FBXL13: variants seen among roughly 807,000 people sequenced by gnomAD.
FBXL13 encodes F-box and leucine-rich repeat protein 13.
In FBXL13, 67 loss-of-function variants were observed where a neutral mutation model predicts 83.6. That is an observed-to-expected ratio of 0.80 (90% CI 0.66 to 0.98). The LOEUF (loss-of-function observed/expected upper bound fraction) is 0.98. Among genes scored for constraint, FBXL13 ranks in the 50% least tolerant of loss-of-function variants. The pLI is 0.00. For synonymous variants in FBXL13, 272 were observed against 299.5 expected (o/e 0.91, Z 0.95); for missense variants, 822 against 866.5 (o/e 0.95, Z 0.64).
intron 8 of FBXL13, among the ~76,000 whole-genome samples, chr7:102,961,472 T>C (rs1368750919): frequency 6.9e-6 from 1 of 144,720 alleles, no homozygotes; most frequent in Admixed American, 6.9e-5. Flanking sequence ...CTTCACAGAA[T>C]TGGAAAAAAC....
At chr7:103,063,162 T>G (rs1216165778) in intron 1 of FBXL13, among the ~76,000 whole-genome samples, 1 of 152,214 alleles carries the variant, frequency 6.6e-6, no homozygotes, top group African/African-American at 2.4e-5. Flanking sequence ...CTTTCAGATC[T>G]TCACCTTTCC....
chr7:103,066,633 TC>T (rs761314734), intron 1 of FBXL13, among the ~76,000 whole-genome samples: 3 of 152,022 alleles, frequency 2.0e-5, no homozygotes, highest in Non-Finnish European at 2.9e-5. Context: ...GACCTCATGA[TC>T]CACCCGCCTC....
chr7:103,016,271 G>T (rs1266350505), intron 6 of FBXL13, among the ~76,000 whole-genome samples: 1 of 138,914 alleles, frequency 7.2e-6, no homozygotes, highest in Non-Finnish European at 1.5e-5. Flanking sequence ...ACACTATAAG[G>T]CTATGGTAAC....
At chr7:102,991,529 AT>A (rs1316321654) in intron 6 of FBXL13, among the ~76,000 whole-genome samples, 3 of 152,224 alleles carry the variant, frequency 2.0e-5, no homozygotes, top group Non-Finnish European at 2.9e-5. Context: ...AGTCAAACAC[AT>A]TTTTAGACAT....
At chr7:103,008,424 A>C (rs1217902413) in intron 6 of FBXL13, among the ~76,000 whole-genome samples, 3 of 152,252 alleles carry the variant, frequency 2.0e-5, no homozygotes, top group African/African-American at 4.8e-5. Context: ...TACATCAATA[A>C]TATTCATGGC....
At chr7:102,946,774 A>G (rs566253511) in intron 8 of FBXL13, among the ~76,000 whole-genome samples, 160 of 152,038 alleles carry the variant, frequency 1.1e-3, no homozygotes, top group Middle Eastern at 6.8e-3. Flanking sequence ...TCCTGGGTTC[A>G]AGCGATTCTC....
intron 6 of FBXL13, among the ~76,000 whole-genome samples, chr7:103,008,335 C>T (rs1241937650): frequency 6.6e-6 from 1 of 152,140 alleles, no homozygotes; most frequent in Admixed American, 6.5e-5. Context: ...TTTGCTAGAA[C>T]ATTTTGGGAC....
At chr7:102,992,844 C>T (rs1022900654) in intron 6 of FBXL13, among the ~76,000 whole-genome samples, 3 of 152,152 alleles carry the variant, frequency 2.0e-5, no homozygotes, top group African/African-American at 7.2e-5. Context: ...TGGACCCCAG[C>T]GATCCACCTG....
intron 17 of FBXL13, among the ~76,000 whole-genome samples, chr7:102,834,194 GAATT>G (rs908350932): frequency 1.3e-5 from 2 of 150,792 alleles, no homozygotes; most frequent in South Asian, 2.1e-4. Flanking sequence ...CAAAATGTGA[GAATT>G]ATTATAATTA....
chr7:102,814,519 T>C (rs1330803304), intron 19 of FBXL13: 6 of 152,200 alleles, frequency 3.9e-5, no homozygotes, highest in Non-Finnish European at 7.3e-5. Context: ...AAATCAAACT[T>C]TAGATGTATT....
At chr7:102,892,886 G>A (rs1479788654) in intron 11 of FBXL13, among the ~76,000 whole-genome samples, 2 of 152,212 alleles carry the variant, frequency 1.3e-5, no homozygotes, top group Non-Finnish European at 1.5e-5. Context: ...CCTGTTGGTA[G>A]CTTAAAATAG....
intron 8 of FBXL13, among the ~76,000 whole-genome samples, chr7:102,962,451 A>G (rs541506713): frequency 6.6e-6 from 1 of 152,332 alleles, no homozygotes; most frequent in Non-Finnish European, 1.5e-5. Flanking sequence ...TAGAACTGGA[A>G]ATACCATTTG....
intron 6 of FBXL13, among the ~76,000 whole-genome samples, chr7:102,977,496 C>T (rs1281874247): frequency 6.6e-6 from 1 of 152,152 alleles, no homozygotes; most frequent in Non-Finnish European, 1.5e-5. Context: ...AGGATGGGAC[C>T]TGGCAAACCT....
At chr7:102,975,599 T>C (rs1376796131) in intron 6 of FBXL13, among the ~76,000 whole-genome samples, 1 of 152,134 alleles carries the variant, frequency 6.6e-6, no homozygotes, top group Non-Finnish European at 1.5e-5. Context: ...CTTTCAGAAA[T>C]CACCCAAGGT....
At chr7:102,922,908 G>A (rs1197052849) in intron 10 of FBXL13, among the ~76,000 whole-genome samples, 2 of 152,120 alleles carry the variant, frequency 1.3e-5, no homozygotes, top group Non-Finnish European at 2.9e-5. Flanking sequence ...AACCCGGGAG[G>A]CGGAGCTTGC....
intron 2 of FBXL13, among the ~76,000 whole-genome samples, chr7:103,053,854 A>T (rs1039615815): frequency 1.3e-5 from 2 of 152,192 alleles, no homozygotes; most frequent in Admixed American, 6.5e-5. Flanking sequence ...GATGGGATAC[A>T]TGGGTTCTGC....
intron 8 of FBXL13, among the ~76,000 whole-genome samples, chr7:102,957,172 G>A (rs1017619849): frequency 2.6e-5 from 4 of 152,156 alleles, no homozygotes; most frequent in African/African-American, 9.7e-5. Flanking sequence ...GCATGGTACT[G>A]GTACCAAAAC....
chr7:102,830,613 C>G (rs891974903), intron 18 of FBXL13, among the ~76,000 whole-genome samples: 3 of 152,154 alleles, frequency 2.0e-5, no homozygotes, highest in African/African-American at 4.8e-5. Flanking sequence ...TCACGGTTTA[C>G]CACATCTTTT....
intron 17 of FBXL13, among the ~76,000 whole-genome samples, chr7:102,838,078 T>C (rs1260492276): frequency 6.6e-6 from 1 of 152,196 alleles, no homozygotes; most frequent in Non-Finnish European, 1.5e-5. Flanking sequence ...CCAGTCCTTC[T>C]TCTCACTCGG....
Sources: allele counts gnomAD v4.1 joint callset (sites outside exome capture counted in the v4.1 genomes callset), GRCh38; gene constraint gnomAD v4.1.1; transcripts MANE v1.5; gene names NCBI Gene and HGNC (gene_info 2026-07-23, HGNC 2026-07-21).